CHST11: variants seen among roughly 807,000 people sequenced by gnomAD.
CHST11 encodes C4S-1.
In CHST11, 9 loss-of-function variants were observed where a neutral mutation model predicts 30.4. That is an observed-to-expected ratio of 0.30 (90% CI 0.18 to 0.52). The LOEUF is 0.52. CHST11 is among the 20% of genes least tolerant of loss of function. The pLI is 0.97. For synonymous variants in CHST11, 152 were observed against 187.8 expected, an observed-to-expected ratio of 0.81 and a Z score of 1.56; for missense variants, 348 against 460.6, an observed-to-expected ratio of 0.76 and a Z score of 2.24.
At chr12:104,459,067 G>T (rs2037383120) in intron 1 of CHST11, among the ~76,000 whole-genome samples, 1 of 152,256 alleles carries the variant, frequency 6.6e-6, no homozygotes, top group Non-Finnish European at 1.5e-5. Context: ...ACCTCAGGAC[G>T]TCCGAGCCAG....
At chr12:104,461,004 ATGAAG>A (rs1284636224) in intron 1 of CHST11, among the ~76,000 whole-genome samples, 2 of 152,202 alleles carry the variant, frequency 1.3e-5, no homozygotes, top group African/African-American at 2.4e-5. Flanking sequence ...GGATGAATGC[ATGAAG>A]TGGTTAAACT....
intron 2 of CHST11, among the ~76,000 whole-genome samples, chr12:104,730,846 T>A (rs2136132347): frequency 6.6e-6 from 1 of 152,292 alleles, no homozygotes; most frequent in African/African-American, 2.4e-5. Flanking sequence ...TGCAGCAGTT[T>A]CCCAGAAGGG....
At chr12:104,607,979 T>G (rs2039023061) in intron 2 of CHST11, among the ~76,000 whole-genome samples, 2 of 152,108 alleles carry the variant, frequency 1.3e-5, no homozygotes, top group Non-Finnish European at 2.9e-5. Context: ...TTAGACTGGA[T>G]CAGTGTTTAT....
chr12:104,459,150 T>C (rs1312209839), intron 1 of CHST11, among the ~76,000 whole-genome samples: 2 of 152,216 alleles, frequency 1.3e-5, no homozygotes, highest in African/African-American at 4.8e-5. Flanking sequence ...GCGGTGTTTG[T>C]CTCCTCACCC....
intron 2 of CHST11, among the ~76,000 whole-genome samples, chr12:104,637,301 G>T (rs371368176): frequency 0.042 from 673 of 15,916 alleles, 17 homozygotes; most frequent in Middle Eastern, 0.13. Flanking sequence ...GTGAGACCCT[G>T]TAAAAAAAAA....
At chr12:104,564,654 GTCT>G (rs2038544124) in intron 1 of CHST11, among the ~76,000 whole-genome samples, 1 of 152,106 alleles carries the variant, frequency 6.6e-6, no homozygotes, top group Non-Finnish European at 1.5e-5. Flanking sequence ...TTTTCCCCAA[GTCT>G]GCCTAAGGAT....
At chr12:104,710,357 T>C (rs1026835801) in intron 2 of CHST11, among the ~76,000 whole-genome samples, 1 of 152,182 alleles carries the variant, frequency 6.6e-6, no homozygotes, top group African/African-American at 2.4e-5. Context: ...GTCTCCAGAC[T>C]GGGCAGACAT....
At chr12:104,584,892 G>C (rs1368338368) in intron 1 of CHST11, among the ~76,000 whole-genome samples, 1 of 152,170 alleles carries the variant, frequency 6.6e-6, no homozygotes, top group Non-Finnish European at 1.5e-5. Flanking sequence ...TCCCAAGAGG[G>C]AAATTGCTGG....
At chr12:104,558,235 C>A (rs1387073518) in intron 1 of CHST11, among the ~76,000 whole-genome samples, 1 of 152,104 alleles carries the variant, frequency 6.6e-6, no homozygotes, top group Non-Finnish European at 1.5e-5. Flanking sequence ...CAGAGCGGGA[C>A]CTGTCGAAGC....
intron 2 of CHST11, among the ~76,000 whole-genome samples, chr12:104,665,812 CTTTTTTTT>C (rs59199522): frequency 1.1e-4 from 9 of 78,842 alleles, no homozygotes; most frequent in African/African-American, 2.8e-4. Flanking sequence ...CTCTCTGTCT[CTTTTTTTT>C]TTTTTTTTTT....
rs559946010 is a variant in CHST11, at chr12:104,676,746, T to A, written c.204+74755T>A. 6.6e-6 allele frequency among the ~76,000 whole-genome samples: 1 copy of A among 152,262 alleles called. No homozygotes were observed. Among genetic ancestry groups the A allele is most frequent in the East Asian group, 1.9e-4 (1 of 5,178 alleles). ...AGGAAGCTGCAGCTCACTTGGGAAA[T>A]CCAGGATAACCTTCCCACCTCAAGA... On this transcript the variant is annotated intron_variant, in intron 2 of 2. Coordinates refer to ENST00000303694, the MANE Select transcript of CHST11 (RefSeq NM_018413.6). The surrounding 1 kb of genome is among the most constrained non-coding windows in gnomAD (Gnocchi z 4.4).
intron 1 of CHST11, among the ~76,000 whole-genome samples, chr12:104,489,182 G>A (rs767024679): frequency 2.0e-5 from 3 of 151,312 alleles, no homozygotes; most frequent in Admixed American, 6.6e-5. Flanking sequence ...GATTACAGGC[G>A]TCCGCCACCA....
intron 1 of CHST11, among the ~76,000 whole-genome samples, chr12:104,533,604 A>C (rs971569107): frequency 3.3e-5 from 5 of 152,338 alleles, no homozygotes; most frequent in Non-Finnish European, 5.9e-5. Context: ...ATGAATAAAT[A>C]AATCAATAAA....
In CHST11 at chr12:104,617,518, C is replaced by T. The variant is rs528830394; in HGVS notation, c.204+15527C>T. On this transcript the variant is annotated intron_variant, in intron 2 of 2. Transcript: ENST00000303694. ...GAAGAGCATGGAATTTAGACCCCTA[C>T]GTCCTGAGTTCAAATCCTGCCTCTT... is the stretch of plus-strand genomic sequence containing the variant. Among the ~76,000 whole-genome samples the T allele has an allele frequency of 5.3e-5, 8 of 152,248 alleles. No individual in the cohort carries two copies. The East Asian group carries it at 1.2e-3, about 22-fold the overall frequency.
intron 1 of CHST11, among the ~76,000 whole-genome samples, chr12:104,495,081 T>G (rs1218090188): frequency 6.6e-6 from 1 of 152,182 alleles, no homozygotes; most frequent in Admixed American, 6.5e-5. Context: ...AGTATTTCTG[T>G]TTTTGGGACT....
chr12:104,737,810 G>A (rs2040313564), intron 2 of CHST11, among the ~76,000 whole-genome samples: 1 of 152,084 alleles, frequency 6.6e-6, no homozygotes, highest in African/African-American at 2.4e-5. Context: ...AGAATGTGCT[G>A]GGCATGGGGA....
At chr12:104,645,033 T>C (rs2039413289) in intron 2 of CHST11, among the ~76,000 whole-genome samples, 1 of 152,162 alleles carries the variant, frequency 6.6e-6, no homozygotes, top group African/African-American at 2.4e-5. Flanking sequence ...CTGCAAGCTC[T>C]TCCTCCCAGA....
At chr12:104,748,559 G>C (rs375454134) in intron 2 of CHST11, among the ~76,000 whole-genome samples, 2 of 151,620 alleles carry the variant, frequency 1.3e-5, no homozygotes, top group African/African-American at 4.9e-5. Context: ...GGGGAGGGGG[G>C]AGATTAAGAG....
intron 1 of CHST11, among the ~76,000 whole-genome samples, chr12:104,556,412 A>C (rs1425749806): frequency 6.6e-6 from 1 of 152,158 alleles, no homozygotes; most frequent in African/African-American, 2.4e-5. Context: ...ACAAATTCTC[A>C]TTATCATAAA....
Sources: gnomAD v4.1 joint callset for allele counts (sites outside exome capture counted in the v4.1 genomes callset) on GRCh38, gnomAD v4.1.1 for gene constraint, Gnocchi (gnomAD v3.1) non-coding constraint, MANE v1.5 for transcripts, NCBI Gene and HGNC (gene_info 2026-07-23, HGNC 2026-07-21) for gene names.